SV2C: variants seen among roughly 807,000 people sequenced by gnomAD.
SV2C encodes the protein synaptic vesicle glycoprotein 2C.
A neutral mutation model predicts 79.7 loss-of-function variants in SV2C; 49 were observed. That is an observed-to-expected ratio of 0.61 (90% CI 0.49 to 0.78). The LOEUF (loss-of-function observed/expected upper bound fraction) is 0.78. Among genes scored for constraint, SV2C ranks in the 30% least tolerant of loss-of-function variants. The pLI is 0.00. For synonymous variants in SV2C, 334 were observed against 333.2 expected (o/e 1.00, Z -0.03); for missense variants, 833 against 912.9 (o/e 0.91, Z 1.13).
Position 76,180,997 on chromosome 5 carries a change from G to A in SV2C, c.581-13922G>A, listed in dbSNP as rs182071868. Among the ~76,000 whole-genome samples, 728 of 152,142 alleles carry A rather than the reference G, an allele frequency of 4.8e-3. 7 individuals are homozygous for A. Among genetic ancestry groups the A allele is most frequent in the Non-Finnish European group, 7.0e-3 (473 of 68,000 alleles). On this transcript the variant is annotated intron_variant, in intron 2 of 12. Coordinates refer to ENST00000502798, the MANE Select transcript of SV2C (RefSeq NM_014979.4). ...TACTCTTGCAGGGAAATCACATTTC[G>A]CAAGGCTCTCAACTGCCCTGCTATG...
chr5:75,906,532 T>C, the SV2C span, among the ~76,000 whole-genome samples: 1 of 152,122 alleles, frequency 6.6e-6, no homozygotes, highest in East Asian at 1.9e-4. Flanking sequence ...TGGATTGTTA[T>C]GGATTAAGGT....
the SV2C span, among the ~76,000 whole-genome samples, chr5:75,907,363 A>T: frequency 6.6e-6 from 1 of 152,186 alleles, no homozygotes; most frequent in Non-Finnish European, 1.5e-5. Context: ...TGTCTTCAGT[A>T]AATGTTTATT....
the SV2C span, among the ~76,000 whole-genome samples, chr5:75,954,515 T>G: frequency 1.3e-4 from 19 of 151,840 alleles, no homozygotes; most frequent in Non-Finnish European, 1.5e-4. Flanking sequence ...ACCACTCCTA[T>G]TCAACATAGT....
chr5:76,236,097 C>T (rs56090509), intron 4 of SV2C, among the ~76,000 whole-genome samples: 17,870 of 152,102 alleles, frequency 0.12, 3,059 homozygotes, highest in African/African-American at 0.38. Context: ...GGCACATGCT[C>T]CACACACCAT....
chr5:75,892,202 T>G, the SV2C span, among the ~76,000 whole-genome samples: 204 of 152,206 alleles, frequency 1.3e-3, 2 homozygotes, highest in Middle Eastern at 0.017. Context: ...TTCCCTGGTT[T>G]GGGTCTTGCT....
At chr5:76,160,823 G>A (rs896261727) in intron 2 of SV2C, among the ~76,000 whole-genome samples, 21 of 152,144 alleles carry the variant, frequency 1.4e-4, no homozygotes, top group Admixed American at 1.3e-4. Flanking sequence ...ATTGAAACCA[G>A]AGAAGATACC....
the SV2C span, among the ~76,000 whole-genome samples, chr5:75,966,383 C>T: frequency 6.6e-6 from 1 of 152,106 alleles, no homozygotes; most frequent in Non-Finnish European, 1.5e-5. Context: ...AATTTTTATG[C>T]TACCCTACTG....
rs568950868 is a variant in SV2C, at chr5:76,125,569, C to T, written c.-101-6081C>T. Among the ~76,000 whole-genome samples the T allele has an allele frequency of 2.0e-5, 3 of 152,236 alleles. No individual in the cohort carries two copies. The East Asian group carries it at 5.8e-4, about 29-fold the overall frequency. On this transcript the variant is annotated intron_variant, in intron 1 of 12. Coordinates refer to ENST00000502798, the MANE Select transcript of SV2C (RefSeq NM_014979.4). ...TTTAAGCAAGGTTCCTTATAACAGG[C>T]TTTGTACTGTAACCCTCCTACTCAT...
the SV2C span, among the ~76,000 whole-genome samples, chr5:76,073,544 T>TATAC: frequency 1.0e-3 from 126 of 121,036 alleles, no homozygotes; most frequent in Non-Finnish European, 1.8e-3. Context: ...TATATATATA[T>TATAC]ACACCATGGA....
intron 2 of SV2C, among the ~76,000 whole-genome samples, chr5:76,158,303 C>G (rs1199026851): frequency 1.3e-5 from 2 of 151,372 alleles, no homozygotes; most frequent in African/African-American, 4.8e-5. Flanking sequence ...GTCTACAGAG[C>G]CACACTTTAT....
intron 2 of SV2C, among the ~76,000 whole-genome samples, chr5:76,174,334 G>A (rs1158489712): frequency 4.6e-5 from 7 of 152,248 alleles, no homozygotes; most frequent in South Asian, 2.1e-4. Flanking sequence ...TGGTTTACAC[G>A]CCTGAATCTG....
chr5:76,234,227 C>T (rs898042075), intron 4 of SV2C, among the ~76,000 whole-genome samples: 2 of 152,184 alleles, frequency 1.3e-5, no homozygotes, highest in African/African-American at 4.8e-5. Flanking sequence ...AACTGCCTCA[C>T]ACAGCAATTT....
At chr5:76,205,414 A>G (rs1056572290) in intron 3 of SV2C, among the ~76,000 whole-genome samples, 5 of 152,218 alleles carry the variant, frequency 3.3e-5, no homozygotes, top group Non-Finnish European at 7.3e-5. Context: ...TAGAGTGTGA[A>G]TTTCTATTAT....
In SV2C at chr5:76,164,363, C is replaced by T. The variant is rs1026988811; in HGVS notation, c.581-30556C>T. Among the ~76,000 whole-genome samples, 16 of 152,310 alleles carry T rather than the reference C, an allele frequency of 1.1e-4. No homozygotes were observed. The East Asian group carries it at 1.4e-3, about 13-fold the overall frequency. ...TCATTTTCCATGCAACAGCCACATA[C>T]GTTAGGGACCATTATTTGTGTCAGA... On this transcript the variant is annotated intron_variant, in intron 2 of 12. Transcript: ENST00000502798.
chr5:75,971,845 CA>C, the SV2C span, among the ~76,000 whole-genome samples: 12 of 151,982 alleles, frequency 7.9e-5, 1 homozygote, highest in African/African-American at 2.2e-4. Context: ...CATATGGAAC[CA>C]AAAAAGAGCC....
chr5:76,000,838 C>T, the SV2C span, among the ~76,000 whole-genome samples: 2 of 152,106 alleles, frequency 1.3e-5, no homozygotes, highest in African/African-American at 4.8e-5. Context: ...TCACACCTCC[C>T]TTCTCTCCCC....
At chr5:76,030,286 T>TA in the SV2C span, among the ~76,000 whole-genome samples, 210 of 119,140 alleles carry the variant, frequency 1.8e-3, 5 homozygotes, top group African/African-American at 7.4e-3. Context: ...TTTTTTTTTT[T>TA]TTTTTTATTT....
At chr5:75,894,062 GT>G in the SV2C span, among the ~76,000 whole-genome samples, 33 of 152,144 alleles carry the variant, frequency 2.2e-4, no homozygotes, top group African/African-American at 7.2e-4. Context: ...ACCATTGTAG[GT>G]TTTTAAGCGA....
chr5:75,852,980 C>T, the SV2C span, among the ~76,000 whole-genome samples: 1 of 152,032 alleles, frequency 6.6e-6, no homozygotes, highest in Non-Finnish European at 1.5e-5. Context: ...AATTTAAAAA[C>T]TTACCTAAGT....
Sources: gnomAD v4.1 joint callset for allele counts (sites outside exome capture counted in the v4.1 genomes callset) on GRCh38, gnomAD v4.1.1 for gene constraint, MANE v1.5 for transcripts, NCBI Gene and HGNC (gene_info 2026-07-23, HGNC 2026-07-21) for gene names.